The following CD3D variants were observed in gnomAD, a reference collection of about 807,000 sequenced individuals.
CD3D encodes CD3 delta subunit of T-cell receptor complex, also known as T-cell surface glycoprotein CD3 delta chain.
In CD3D, 22 loss-of-function variants were observed where a neutral mutation model predicts 22.0. The ratio of observed to expected loss-of-function variants is 1.00; its 90% CI spans 0.71 to 1.43. The LOEUF (loss-of-function observed/expected upper bound fraction) is 1.43. Ranked by LOEUF, CD3D falls within the 40% of genes most tolerant of loss-of-function variation. The pLI is 0.00. For missense variants in CD3D, 205 were observed against 211.7 expected (o/e 0.97, Z 0.20); for synonymous variants, 74 against 81.2 (o/e 0.91, Z 0.48).
chr11:118,340,837 G>A, intron 1 of CD3D: 1 of 656,414 alleles, frequency 1.5e-6, no homozygotes. Context: ...TGGTGCAAAA[G>A]AGGACCCCTC....
rs2134059435 is a variant in CD3D at position 118,339,913 on chromosome 11, G to A, written c.275-7C>T. 6.2e-7 allele frequency: 1 copy of A among 1,614,030 alleles called. No homozygotes were observed. Among genetic ancestry groups the A allele is most frequent in the East Asian group, 2.2e-5 (1 of 44,878 alleles). ...TCCACACAGCTCTGGCACACTGTGG[G>A]GGAAGGGAGGAGAGAGGAGAGGTTG... On this transcript the variant is annotated splice_region_variant and splice_polypyrimidine_tract_variant and intron_variant, in intron 2 of 4. Transcript: ENST00000300692.
intron 3 of CD3D, 58 bp from the exon 4 acceptor site, chr11:118,339,552 C>G (rs1297631327): frequency 1.9e-6 from 3 of 1,594,936 alleles, no homozygotes; most frequent in Non-Finnish European, 2.6e-6. Context: ...GAGATCCACC[C>G]TCCCACACCC....
At chr11:118,342,175 C>CTT (rs56058731) in intron 1 of CD3D, among the ~76,000 whole-genome samples, 5 of 144,818 alleles carry the variant, frequency 3.5e-5, no homozygotes, top group South Asian at 2.2e-4. Flanking sequence ...CCGAGAAGCA[C>CTT]TTTTTTTTTT....
intron 3 of CD3D, 81 bp downstream of exon 3, chr11:118,339,694 G>A: frequency 6.3e-7 from 1 of 1,586,874 alleles, no homozygotes; most frequent in Admixed American, 1.8e-5. Flanking sequence ...CTTAGCTGGT[G>A]CATAAGCTCA....
chr11:118,340,677 G>A, intron 1 of CD3D, 84 bp from the exon 2 acceptor site: 2 of 954,482 alleles, frequency 2.1e-6, no homozygotes, highest in African/African-American at 1.6e-5. Context: ...ATACTTAACA[G>A]AGACCATTTT....
At chr11:118,341,790 C>T (rs1396567989) in intron 1 of CD3D, among the ~76,000 whole-genome samples, 1 of 152,146 alleles carries the variant, frequency 6.6e-6, no homozygotes, top group Non-Finnish European at 1.5e-5. Flanking sequence ...ATGTAACAAC[C>T]CCTCAAATCT....
chr11:118,338,998 TAGG>T (rs1948274180), downstream of CD3D: 1 of 729,534 alleles, frequency 1.4e-6, no homozygotes, highest in Admixed American at 1.9e-5. Context: ...AACAGGTAGG[TAGG>T]AGGGCGAGAT....
intron 3 of CD3D, 125 bp downstream of exon 3, chr11:118,339,650 C>G: frequency 6.4e-7 from 1 of 1,564,416 alleles, no homozygotes; most frequent in Non-Finnish European, 8.7e-7. Flanking sequence ...AGAGTAACTC[C>G]CAGCTGAGAC....
intron 1 of CD3D, among the ~76,000 whole-genome samples, chr11:118,341,495 G>C (rs1948299706): frequency 6.6e-6 from 1 of 152,190 alleles, no homozygotes; most frequent in Non-Finnish European, 1.5e-5. Context: ...GGATACAAGA[G>C]CATCTTCTAG....
In CD3D at chr11:118,342,547, C is replaced by G; in HGVS notation, c.55+6G>C. 1 of 1,613,372 alleles carries G rather than the reference C, an allele frequency of 6.2e-7. No homozygotes were observed. The highest frequency in any genetic ancestry group is 2.2e-5 in the East Asian group (1 of 44,870). ...CCCTTCCCCCACCCACCTGGAGTAGCCTTACCTTGCGAGAGAAGGGTAGCC... is the reference window on the plus strand; with the variant it reads ...CCCTTCCCCCACCCACCTGGAGTAGGCTTACCTTGCGAGAGAAGGGTAGCC... On this transcript the variant is annotated splice_donor_region_variant and intron_variant, in intron 1 of 4. Transcript: ENST00000300692.
intron 1 of CD3D, chr11:118,340,887 C>T (rs1443031831): frequency 6.7e-6 from 4 of 600,684 alleles, no homozygotes; most frequent in Non-Finnish European, 9.4e-6. Flanking sequence ...GAAATGAATC[C>T]AGACCACTGA....
In CD3D at chr11:118,340,438, A is replaced by G. The variant is rs377725940; in HGVS notation, c.211T>C (p.Tyr71His). ...TATATATCTGTCCCATTACACCTAT[A>G]TATTCCTCGTGGGTCCAGGATGCGT... ...GKRILDPRGI[Y>H]RCNGTDIYKD... The change falls in exon 2 of 5, where the codon TAT becomes CAT. Residue 71 changes from tyrosine (Y) to histidine (H), a missense_variant. By Grantham distance (83) the Tyr-to-His change is moderately conservative (BLOSUM62 2). Transcript: ENST00000300692. 1.9e-6 allele frequency: 3 copies of G among 1,614,064 alleles called. No homozygotes were observed. Among genetic ancestry groups the G allele is most frequent in the Non-Finnish European group, 1.7e-6 (2 of 1,179,986 alleles).
chr11:118,339,030 ACTCCCACGC>A, downstream of CD3D: 2 of 825,078 alleles, frequency 2.4e-6, no homozygotes, highest in Non-Finnish European at 2.2e-6. Context: ...AGTCAGGACA[ACTCCCACGC>A]CTTGCCCAGG....
chr11:118,339,959 A>G (rs1233534639), intron 2 of CD3D, 53 bp from the exon 3 acceptor site: 2 of 1,610,218 alleles, frequency 1.2e-6, no homozygotes, highest in Non-Finnish European at 1.7e-6. Context: ...AGATCAGGGA[A>G]CCATCCTCTG....
rs1948276754 is a variant in CD3D at position 118,339,237 on chromosome 11, G to A, written c.451-10C>T. The A allele has an allele frequency of 1.2e-6, 2 of 1,613,074 alleles. No individual in the cohort carries two copies. Among genetic ancestry groups the A allele is most frequent in the Non-Finnish European group, 1.7e-6 (2 of 1,179,106 alleles). ...CTCGATCTCGGAGGGGCTAAGAGAG[G>A]AGAAGAGAAAACGGTCAGGAGGCAG... On this transcript the variant is annotated splice_polypyrimidine_tract_variant and intron_variant, in intron 4 of 4. Coordinates refer to ENST00000300692, the MANE Select transcript of CD3D (RefSeq NM_000732.6).
chr11:118,340,863 C>T, intron 1 of CD3D: 1 of 628,478 alleles, frequency 1.6e-6, no homozygotes, highest in Non-Finnish European at 3.0e-6. Flanking sequence ...AGGATTGACC[C>T]AAGCACCTTC....
In CD3D at chr11:118,340,461, C is replaced by A. The variant is rs374700153; in HGVS notation, c.188G>T (p.Arg63Leu). Reference sequence around the variant, plus strand: ...ATATATTCCTCGTGGGTCCAGGATGCGTTTTCCCAGGTCCAGTCTTGTAAT... The same window carrying A: ...ATATATTCCTCGTGGGTCCAGGATGAGTTTTCCCAGGTCCAGTCTTGTAAT... ...SDITRLDLGK[R>L]ILDPRGIYRC... Residue 63 changes from arginine (R) to leucine (L), a missense_variant, in exon 2 of 5, where the codon CGC (arginine) becomes CTC (leucine). Arg to Leu is a moderately radical substitution (Grantham distance 102). Coordinates refer to ENST00000300692, the MANE Select transcript of CD3D (RefSeq NM_000732.6). The A allele has an allele frequency of 1.9e-6, 3 of 1,613,852 alleles. No homozygotes were observed. The highest frequency in any genetic ancestry group is 3.3e-5 in the Admixed American group (2 of 59,990).
Position 118,342,695 on chromosome 11 carries a change from G to A in CD3D, c.-88C>T. ...CTGCCCTCCCCTAGCTGACTCACAG[G>A]TACCGGAAAGAGGAGAGTGGGGGAG... On this transcript the variant is annotated 5_prime_UTR_variant, in exon 1 of 5. Transcript: ENST00000300692. The A allele has an allele frequency of 5.5e-6, 6 of 1,099,516 alleles. No homozygotes were observed. The highest frequency in any genetic ancestry group is 8.4e-6 in the Non-Finnish European group (6 of 715,818). 68.1% of individuals were successfully genotyped at this position (1,099,516 alleles called of 1,614,324 possible). A position where few individuals can be genotyped will look rare whatever the true frequency, so the allele number is the denominator to read the frequency against.
intron 4 of CD3D, 58 bp downstream of exon 4, chr11:118,339,393 G>T: frequency 6.3e-7 from 1 of 1,588,472 alleles, no homozygotes; most frequent in Non-Finnish European, 8.6e-7. Flanking sequence ...TTCAGTGTGA[G>T]CCTCTCTATC....
Sources: gnomAD v4.1 joint callset for allele counts (sites outside exome capture counted in the v4.1 genomes callset) on GRCh38, gnomAD v4.1.1 for gene constraint, MANE v1.5 for transcripts, NCBI Gene and HGNC (gene_info 2026-07-23, HGNC 2026-07-21) for gene names.